The following CLOCK variants were observed in gnomAD, a reference collection of about 807,000 sequenced individuals.
CLOCK encodes clock circadian regulator.
Under a neutral mutation model 118.4 loss-of-function variants are expected in CLOCK, and 43 were observed. The ratio of observed to expected loss-of-function variants is 0.36; its 90% confidence interval spans 0.28 to 0.47. The LOEUF is 0.47. Ranked by LOEUF, CLOCK falls within the 20% of genes least tolerant of loss-of-function variation. CLOCK has a pLI of 1.00. For missense variants in CLOCK, 846 were observed against 999.9 expected (o/e 0.85, Z 2.08); for synonymous variants, 326 against 339.2 (o/e 0.96, Z 0.43).
rs1560427988 is a variant in CLOCK, at chr4:55,455,916, C to A, written c.963G>T (p.Leu321Phe). 1 of 1,613,494 alleles carries A rather than the reference C, an allele frequency of 6.2e-7. No individual in the cohort carries two copies. Among genetic ancestry groups the A allele is most frequent in the South Asian group, 1.1e-5 (1 of 91,064 alleles). The part of the protein sequence containing the change: ...DYYHVDDLEN[L>F]AKCHEHLMQY... ...ACTTACAGTGCTCATGACATTTTGC[C>A]AAATTTTCTAGGTCATCCACATGAT... is the stretch of plus-strand genomic sequence containing the variant. Residue 321 changes from leucine to phenylalanine, a missense_variant, in exon 13 of 23, where the codon TTG becomes TTT. Physicochemically the swap from Leu to Phe is conservative, Grantham distance 22. Transcript: ENST00000513440.
In CLOCK at chr4:55,514,027, A is replaced by G. The variant is rs538654816; in HGVS notation, c.-289-3962T>C. Among the ~76,000 whole-genome samples, 81 of 152,244 alleles carry G rather than the reference A, an allele frequency of 5.3e-4. No homozygotes were observed. The Middle Eastern group carries it at 0.014, about 26-fold the overall frequency. ...GTTTGTCAATTCTTTTGGATCTTCT[A>G]CATAGACAATCATATCATCTTGCAA... On this transcript the variant is annotated intron_variant, in intron 1 of 22. Coordinates refer to ENST00000513440, the MANE Select transcript of CLOCK (RefSeq NM_004898.4).
In CLOCK at chr4:55,479,637, T is replaced by A. The variant is rs768454545; in HGVS notation, c.107+3A>T. 1 of 1,607,036 alleles carries A rather than the reference T, an allele frequency of 6.2e-7. No homozygotes were observed. Among genetic ancestry groups the A allele is most frequent in the Non-Finnish European group, 8.5e-7 (1 of 1,174,086 alleles). ...TACTATTTTATATCTCTAATCAAACTACCTTTTCGCTTTGTCCTTGTCATC... is the reference window on the plus strand; with the variant it reads ...TACTATTTTATATCTCTAATCAAACAACCTTTTCGCTTTGTCCTTGTCATC... On this transcript the variant is annotated splice_donor_region_variant and intron_variant, in intron 5 of 22. Coordinates refer to ENST00000513440, the MANE Select transcript of CLOCK (RefSeq NM_004898.4).
chr4:55,428,159 TGG>T lies in CLOCK; in HGVS notation c.*7254_*7255del, dbSNP rs1722314143. On this transcript the variant is annotated 3_prime_UTR_variant, in exon 23 of 23. Transcript: ENST00000513440. ...AGGTTCTGAATACATGACAAGAGTA[TGG>T]GAAAGAGCAGAATAATAGTACACGC... 3 of 152,152 alleles carry T rather than the reference TGG, an allele frequency of 2.0e-5. No homozygotes were observed. Among genetic ancestry groups the T allele is most frequent in the Non-Finnish European group, 2.9e-5 (2 of 68,024 alleles). The allele number at this position is 152,152 out of a possible 1,614,324, so 9.4% of individuals were successfully genotyped here.
chr4:55,507,957 C>T (rs1728914605), intron 2 of CLOCK, among the ~76,000 whole-genome samples: 1 of 152,072 alleles, frequency 6.6e-6, no homozygotes, highest in South Asian at 2.1e-4. Flanking sequence ...TATTAGTTTT[C>T]CCTAATTTGG....
At chr4:55,529,604 T>C (rs1187036743) in intron 1 of CLOCK, among the ~76,000 whole-genome samples, 1 of 152,200 alleles carries the variant, frequency 6.6e-6, no homozygotes, top group African/African-American at 2.4e-5. Flanking sequence ...TAGGTATATT[T>C]AACAAATAAT....
At position 55,479,702 on chromosome 4, in the gene CLOCK, A is replaced by G. The variant is rs1171793093; in HGVS notation, c.48-3T>C. 1 of 1,612,316 alleles carries G rather than the reference A, an allele frequency of 6.2e-7. No individual in the cohort carries two copies. The highest frequency in any genetic ancestry group is 1.7e-5 in the Admixed American group (1 of 59,980). ...CATCAAAAATACTACTGTCATCTCT[A>G]AAAGAAAGCGGATAGAGAAAGTAAG... On this transcript the variant is annotated splice_polypyrimidine_tract_variant and splice_region_variant and intron_variant, in intron 4 of 22. Coordinates refer to ENST00000513440, the MANE Select transcript of CLOCK (RefSeq NM_004898.4).
At chr4:55,460,725 G>GT (rs1310832279) in intron 9 of CLOCK, among the ~76,000 whole-genome samples, 1 of 152,126 alleles carries the variant, frequency 6.6e-6, no homozygotes, top group South Asian at 2.1e-4. Context: ...TCAAGGACTA[G>GT]TAACACCTTT....
intron 3 of CLOCK, among the ~76,000 whole-genome samples, chr4:55,483,475 C>CT (rs1727073807): frequency 6.6e-6 from 1 of 152,286 alleles, no homozygotes; most frequent in African/African-American, 2.4e-5. Flanking sequence ...TCACCATCCT[C>CT]TGAGAGCTTG....
chr4:55,462,419 T>G (rs2109816756), intron 9 of CLOCK, among the ~76,000 whole-genome samples: 1 of 152,274 alleles, frequency 6.6e-6, no homozygotes, highest in African/African-American at 2.4e-5. Flanking sequence ...CCCAAGTAGC[T>G]GGGACTACAG....
rs1304441154 is a variant in CLOCK, at chr4:55,435,017, C to T, written c.*398G>A. The T allele has an allele frequency of 3.8e-6, 1 of 262,456 alleles. No individual in the cohort carries two copies. Among genetic ancestry groups the T allele is most frequent in the East Asian group, 9.3e-5 (1 of 10,802 alleles). 16.3% of individuals were successfully genotyped at this position (262,456 alleles called of 1,614,324 possible). On this transcript the variant is annotated 3_prime_UTR_variant, in exon 23 of 23. Transcript: ENST00000513440. ...GGCATCACTGTAAGCAAACCCCTGA[C>T]ATGGCAGTGGTATGTCCTCTGTAAC... is the stretch of plus-strand genomic sequence containing the variant.
At chr4:55,507,848 T>C (rs1267588153) in intron 2 of CLOCK, among the ~76,000 whole-genome samples, 3 of 151,778 alleles carry the variant, frequency 2.0e-5, no homozygotes, top group Non-Finnish European at 2.9e-5. Context: ...AACTGTGGAG[T>C]TGAGAAATCC....
At chr4:55,542,567 TAACCTGGTTTAA>T (rs1247292323) in intron 1 of CLOCK, among the ~76,000 whole-genome samples, 1 of 151,914 alleles carries the variant, frequency 6.6e-6, no homozygotes, top group African/African-American at 2.4e-5. Context: ...TAATTCTTTG[TAACCTGGTTTAA>T]AACAAACCCT....
At chr4:55,450,420 C>T (rs556917990) in intron 15 of CLOCK, among the ~76,000 whole-genome samples, 188 bp from the exon 16 acceptor site, 1 of 152,238 alleles carries the variant, frequency 6.6e-6, no homozygotes, top group African/African-American at 2.4e-5. Context: ...GCTTCATTTT[C>T]TATTTAAAGA....
Position 55,510,082 on chromosome 4 carries a change from C to A in CLOCK, c.-289-17G>T, listed in dbSNP as rs963089258. 3 of 152,176 alleles carry A rather than the reference C, an allele frequency of 2.0e-5. No homozygotes were observed. The highest frequency in any genetic ancestry group is 7.2e-5 in the African/African-American group (3 of 41,436). 9.4% of individuals were successfully genotyped at this position (152,176 alleles called of 1,614,324 possible). ...GTAAAAATTCTGCAAAGAAACAGTA[C>A]TTACTGAAATAATGCTAACCAATTT... On this transcript the variant is annotated splice_polypyrimidine_tract_variant and intron_variant, in intron 1 of 22. Coordinates refer to ENST00000513440, the MANE Select transcript of CLOCK (RefSeq NM_004898.4).
intron 1 of CLOCK, among the ~76,000 whole-genome samples, chr4:55,537,741 C>T (rs891203252): frequency 6.6e-6 from 1 of 152,100 alleles, no homozygotes; most frequent in African/African-American, 2.4e-5. Flanking sequence ...CTGCAATGGG[C>T]CATGATCACG....
At position 55,438,458 on chromosome 4, in the gene CLOCK, T is replaced by C; in HGVS notation, c.2185A>G (p.Met729Val). ...ACGAVMVPST[M>V]LMGQVVTAYP... ...GCAGTCACCACCTGGCCCATAAGCA[T>C]AGTACTAGGTACCATGACTGCCCCA... The change falls in exon 22 of 23, where the codon ATG (methionine) becomes GTG (valine). Residue 729 changes from methionine to valine, a missense_variant. This residue lies in a region of CLOCK where 520 missense variants were observed against 558.0 expected (regional missense o/e 0.93). Transcript: ENST00000513440. The C allele has an allele frequency of 1.2e-6, 2 of 1,613,914 alleles. No homozygotes were observed. Among genetic ancestry groups the C allele is most frequent in the Non-Finnish European group, 1.7e-6 (2 of 1,180,006 alleles).
chr4:55,509,124 T>C (rs540743573), intron 2 of CLOCK, among the ~76,000 whole-genome samples: 10 of 152,322 alleles, frequency 6.6e-5, no homozygotes, highest in Admixed American at 5.2e-4. Context: ...AGGTAATGGG[T>C]TGTGCCATGA....
rs1376109106 is a variant in CLOCK, at chr4:55,428,541, T to C, written c.*6874A>G. 1 of 152,210 alleles carries C rather than the reference T, an allele frequency of 6.6e-6. No homozygotes were observed. The highest frequency in any genetic ancestry group is 1.9e-4 in the East Asian group (1 of 5,204). 9.4% of individuals were successfully genotyped at this position (152,210 alleles called of 1,614,324 possible). On this transcript the variant is annotated 3_prime_UTR_variant, in exon 23 of 23. Coordinates refer to ENST00000513440, the MANE Select transcript of CLOCK (RefSeq NM_004898.4). The stretch of plus-strand genomic sequence containing the variant: ...TTCTATAAATCATTTTGGATTTCAA[T>C]TAAATCTTTGCCTTAGTAAAGGGTA...
intron 1 of CLOCK, among the ~76,000 whole-genome samples, chr4:55,532,741 G>A (rs1401089152): frequency 1.3e-5 from 2 of 152,016 alleles, no homozygotes; most frequent in African/African-American, 4.8e-5. Context: ...CAGCTTCTTG[G>A]GAGGCTGAGG....
Sources: gnomAD v4.1 joint callset for allele counts (sites outside exome capture counted in the v4.1 genomes callset) on GRCh38, gnomAD v4.1.1 for gene constraint, gnomAD v4.1.1 regional missense constraint, MANE v1.5 for transcripts, NCBI Gene and HGNC (gene_info 2026-07-23, HGNC 2026-07-21) for gene names.